The following MPO variants were observed in gnomAD, a reference collection of about 807,000 sequenced individuals.
MPO encodes myeloperoxidase.
MPO carries 57 observed loss-of-function variants against 69.4 expected under a neutral mutation model. The observed-to-expected ratio is 0.82, with a 90% CI of 0.66 to 1.02. MPO has a LOEUF of 1.02. Ranked by LOEUF, MPO falls within the 50% of genes least tolerant of loss-of-function variation. The pLI, the probability that MPO is intolerant of heterozygous loss-of-function variation, is 0.00. For missense variants in MPO, 971 were observed against 1,014.1 expected (o/e 0.96, Z 0.58); for synonymous variants, 426 against 417.1 (o/e 1.02, Z -0.26).
chr17:58,279,206 C>G lies in MPO; in HGVS notation c.687G>C (p.Ala229=), dbSNP rs770856330. Reference sequence around the variant, plus strand: ...GGAAGCGCACGATCTCGTTGGAGACCGCGCGAGCCTGCGGGACACGGAGAT... The same window carrying G: ...GGAAGCGCACGATCTCGTTGGAGACGGCGCGAGCCTGCGGGACACGGAGAT... The part of the protein sequence containing the change: ...RNGFPVALAR[A]VSNEIVRFPT... Residue 229 remains alanine (A), a synonymous_variant, in exon 6 of 12, where the codon GCG becomes GCC. Transcript: ENST00000225275. The G allele has an allele frequency of 3.1e-6, 5 of 1,602,110 alleles. No homozygotes were observed. The African/African-American group carries it at 5.3e-5, about 17-fold the overall frequency.
Position 58,275,638 on chromosome 17 carries a change from G to A in MPO, c.1269C>T (p.His423=). The A allele has an allele frequency of 6.2e-7, 1 of 1,614,186 alleles. No homozygotes were observed. Among genetic ancestry groups the A allele is most frequent in the African/African-American group, 1.3e-5 (1 of 75,030 alleles). The stretch of plus-strand genomic sequence containing the variant: ...TCTTGAGCTCTGTGGCCAGCCGGTT[G>A]TGCTCCCGAAGTAAGAGGGTGTGCA... ...TSMHTLLLRE[H]NRLATELKSL... Residue 423 remains histidine, a synonymous_variant, in exon 8 of 12, where the codon CAC becomes CAT. Transcript: ENST00000225275. The surrounding 1 kb of genome is among the most constrained non-coding windows in gnomAD (Gnocchi z 4.1).
chr17:58,273,682 C>A lies in MPO; in HGVS notation c.1366-13G>T, dbSNP rs770777007. On this transcript the variant is annotated splice_polypyrimidine_tract_variant and intron_variant, in intron 8 of 11. Coordinates refer to ENST00000225275, the MANE Select transcript of MPO (RefSeq NM_000250.2). The stretch of plus-strand genomic sequence containing the variant: ...GGTAAGTGATGATCTAAAGACAAGT[C>A]ATTTGGAATGGCCTCTCCACCCACT... The A allele has an allele frequency of 6.8e-6, 11 of 1,614,134 alleles. No individual in the cohort carries two copies. The highest frequency in any genetic ancestry group is 3.3e-5 in the South Asian group (3 of 91,040).
intron 4 of MPO, 27 bp downstream of exon 4, chr17:58,279,496 C>T: frequency 6.2e-7 from 1 of 1,613,234 alleles, no homozygotes; most frequent in East Asian, 2.2e-5. Flanking sequence ...GAGCCCGGTT[C>T]CTGCAGCCAC....
intron 7 of MPO, 175 bp downstream of exon 7, chr17:58,277,652 G>T: frequency 1.1e-6 from 1 of 929,812 alleles, no homozygotes; most frequent in Non-Finnish European, 1.6e-6. Context: ...CTGCTTTTCT[G>T]GCTCCATCTG....
At chr17:58,276,831 G>A (rs763697829) in intron 7 of MPO, among the ~76,000 whole-genome samples, 8 of 152,186 alleles carry the variant, frequency 5.3e-5, no homozygotes, top group South Asian at 2.1e-4. Flanking sequence ...GAAAATGGCT[G>A]CGTGCGGTGG....
At position 58,278,992 on chromosome 17, in the gene MPO, C is replaced by G; in HGVS notation, c.885+16G>C. On this transcript the variant is annotated intron_variant, in intron 6 of 11. Coordinates refer to ENST00000225275, the MANE Select transcript of MPO (RefSeq NM_000250.2). Reference sequence around the variant, plus strand: ...CCCCTCTCCCAACCCAGGCAGTGGGCGGGAAGCAGGGCCACCTTGAGCGGG... The same window carrying G: ...CCCCTCTCCCAACCCAGGCAGTGGGGGGGAAGCAGGGCCACCTTGAGCGGG... 6.3e-7 allele frequency: 1 copy of G among 1,598,678 alleles called. No homozygotes were observed. Among genetic ancestry groups the G allele is most frequent in the Non-Finnish European group, 8.5e-7 (1 of 1,175,404 alleles).
chr17:58,279,487 A>G, intron 4 of MPO, 36 bp downstream of exon 4: 1 of 1,612,940 alleles, frequency 6.2e-7, no homozygotes, highest in Non-Finnish European at 8.5e-7. Context: ...CGCCTCTCTG[A>G]GCCCGGTTCC....
rs1273556743 is a variant in MPO, at chr17:58,279,909, G to A, written c.354C>T (p.Tyr118=). 1 of 1,614,086 alleles carries A rather than the reference G, an allele frequency of 6.2e-7. No homozygotes were observed. The highest frequency in any genetic ancestry group is 8.5e-7 in the Non-Finnish European group (1 of 1,180,026). ...ATRTAVRAAD[Y]LHVALDLLER... Reference sequence around the variant, plus strand: ...CCAGCAGGTCTAGAGCCACGTGCAGGTAGTCAGCGGCCCTCACCGCCGTCC... The same window carrying A: ...CCAGCAGGTCTAGAGCCACGTGCAGATAGTCAGCGGCCCTCACCGCCGTCC... Residue 118 remains tyrosine, a synonymous_variant, in exon 3 of 12, where the codon TAC becomes TAT. Transcript: ENST00000225275.
At chr17:58,274,273 A>G in intron 8 of MPO, 1 of 460,516 alleles carries the variant, frequency 2.2e-6, no homozygotes, top group Admixed American at 2.3e-5. Context: ...AGTGTAAATG[A>G]ATTTCACTTG....
Position 58,280,630 on chromosome 17 carries a change from G to T in MPO, c.129C>A (p.Pro43=). ...CTGGAGCAGCACCTTCAGAGGGCTG[G>T]GGCGTGGCCAGAATGGCCAGGAGCC... ...LAGLLAILAT[P]QPSEGAAPAV... Residue 43 remains proline, a synonymous_variant, in exon 1 of 12, where the codon CCC becomes CCA. Transcript: ENST00000225275. The T allele has an allele frequency of 6.2e-7, 1 of 1,614,238 alleles. No individual in the cohort carries two copies. Among genetic ancestry groups the T allele is most frequent in the Non-Finnish European group, 8.5e-7 (1 of 1,180,050 alleles).
chr17:58,270,819 T>A lies in MPO; in HGVS notation c.2075A>T (p.Gln692Leu). ...NEGVFSMQQRQALAQISLPRI... is the reference protein window; with the variant it reads ...NEGVFSMQQRLALAQISLPRI... ...GGGCAATGAGATCTGGGCCAGGGCCTGTCGCTGCTGCATGCTGAACACACC... is the reference window on the plus strand; with the variant it reads ...GGGCAATGAGATCTGGGCCAGGGCCAGTCGCTGCTGCATGCTGAACACACC... Residue 692 changes from glutamine (Q) to leucine (L), a missense_variant, in exon 12 of 12, where the codon CAG becomes CTG. Physicochemically the swap from Gln to Leu is moderately radical, Grantham distance 113. Transcript: ENST00000225275. The surrounding 1 kb of genome is among the most constrained non-coding windows in gnomAD (Gnocchi z 4.1). 6.2e-7 allele frequency: 1 copy of A among 1,613,906 alleles called. No homozygotes were observed. The highest frequency in any genetic ancestry group is 8.5e-7 in the Non-Finnish European group (1 of 1,179,964).
chr17:58,278,635 G>A (rs1361055697), intron 6 of MPO, among the ~76,000 whole-genome samples: 1 of 152,110 alleles, frequency 6.6e-6, no homozygotes, highest in Non-Finnish European at 1.5e-5. Context: ...CCCTCTCAGT[G>A]GGGCGGAAAC....
chr17:58,279,324 G>A lies in MPO; in HGVS notation c.651C>T (p.Val217=), dbSNP rs1013595400. 6.4e-7 allele frequency: 1 copy of A among 1,570,628 alleles called. No homozygotes were observed. The highest frequency in any genetic ancestry group is 1.4e-5 in the African/African-American group (1 of 74,070). ...FSLPYGWTPG[V]KRNGFPVALA... ...GAGCCACCGGGAAGCCGTTGCGCTTGACCCCGGGCGTCCAGCCGTAGGGAA... is the reference window on the plus strand; with the variant it reads ...GAGCCACCGGGAAGCCGTTGCGCTTAACCCCGGGCGTCCAGCCGTAGGGAA... Residue 217 remains valine (V), a synonymous_variant, in exon 5 of 12, where the codon GTC becomes GTT. Coordinates refer to ENST00000225275, the MANE Select transcript of MPO (RefSeq NM_000250.2).
chr17:58,279,314 C>G lies in MPO; in HGVS notation c.661G>C (p.Gly221Arg). The change falls in exon 5 of 12, where the codon GGC becomes CGC. Residue 221 changes from glycine to arginine, a missense_variant. Coordinates refer to ENST00000225275, the MANE Select transcript of MPO (RefSeq NM_000250.2). Reference sequence around the variant, plus strand: ...GCGCTCACCAGAGCCACCGGGAAGCCGTTGCGCTTGACCCCGGGCGTCCAG... The same window carrying G: ...GCGCTCACCAGAGCCACCGGGAAGCGGTTGCGCTTGACCCCGGGCGTCCAG... ...YGWTPGVKRN[G>R]FPVALARAVS... The G allele has an allele frequency of 6.4e-7, 1 of 1,568,940 alleles. No homozygotes were observed. The highest frequency in any genetic ancestry group is 1.2e-5 in the South Asian group (1 of 86,420).
chr17:58,279,937 G>A lies in MPO; in HGVS notation c.326C>T (p.Thr109Ile). 6.2e-7 allele frequency: 1 copy of A among 1,614,000 alleles called. No homozygotes were observed. The highest frequency in any genetic ancestry group is 2.2e-5 in the East Asian group (1 of 44,866). The stretch of plus-strand genomic sequence containing the variant: ...GTCAGCGGCCCTCACCGCCGTCCTG[G>A]TGGCTGCCACCGGCTGCTTGAAGTA... ...LSYFKQPVAA[T>I]RTAVRAADYL... The change falls in exon 3 of 12, where the codon ACC becomes ATC. Residue 109 changes from threonine to isoleucine, a missense_variant. Transcript: ENST00000225275.
chr17:58,279,762 A>T (rs1970489404), intron 3 of MPO, 77 bp downstream of exon 3: 1 of 1,613,194 alleles, frequency 6.2e-7, no homozygotes, highest in East Asian at 2.2e-5. Flanking sequence ...AGTTGAGGGG[A>T]TCACTGAGAG....
chr17:58,273,400 T>A lies in MPO; in HGVS notation c.1621+14A>T, dbSNP rs1198382144. On this transcript the variant is annotated intron_variant, in intron 9 of 11. Transcript: ENST00000225275. ...GCTGTCAGCCCACTCGCTCCTGGCCTAGGTCCTGCTTACCTTCCAGCACGA... is the reference window on the plus strand; with the variant it reads ...GCTGTCAGCCCACTCGCTCCTGGCCAAGGTCCTGCTTACCTTCCAGCACGA... 6 of 1,613,988 alleles carry A rather than the reference T, an allele frequency of 3.7e-6. No homozygotes were observed. Among genetic ancestry groups the A allele is most frequent in the East Asian group, 2.2e-5 (1 of 44,878 alleles).
In MPO at chr17:58,271,900, G is replaced by A. The variant is rs940437007; in HGVS notation, c.1793-8C>T. 2 of 1,613,706 alleles carry A rather than the reference G, an allele frequency of 1.2e-6. No individual in the cohort carries two copies. Among genetic ancestry groups the A allele is most frequent in the Non-Finnish European group, 1.7e-6 (2 of 1,179,894 alleles). ...GCCTCCAGGCATTGTATCCTGCATG[G>A]GGGAGGGGACAGGTGGCTATGGGCA... On this transcript the variant is annotated splice_region_variant and splice_polypyrimidine_tract_variant and intron_variant, in intron 10 of 11. Transcript: ENST00000225275.
intron 10 of MPO, 43 bp from the exon 11 acceptor site, chr17:58,271,935 G>T (rs1598039239): frequency 6.3e-7 from 1 of 1,595,974 alleles, no homozygotes; most frequent in Non-Finnish European, 8.6e-7. Context: ...AGGTCTCTCT[G>T]CTTCAAGGTG....
Sources: allele counts gnomAD v4.1 joint callset (sites outside exome capture counted in the v4.1 genomes callset), GRCh38; gene constraint gnomAD v4.1.1; non-coding constraint Gnocchi (gnomAD v3.1); transcripts MANE v1.5; gene names NCBI Gene and HGNC (gene_info 2026-07-23, HGNC 2026-07-21).